The following PARP4 variants were observed in gnomAD, a reference collection of about 807,000 sequenced individuals.
The protein encoded by PARP4 is protein mono-ADP-ribosyltransferase PARP4.
PARP4 carries 120 observed loss-of-function variants against 187.7 expected under a neutral mutation model. That is an observed-to-expected ratio of 0.64 (90% CI 0.55 to 0.74). PARP4 has a LOEUF of 0.74. Among genes scored for constraint, PARP4 ranks in the 30% least tolerant of loss-of-function variants. PARP4 has a pLI of 0.00. For synonymous variants in PARP4, 654 were observed against 740.9 expected (o/e 0.88, Z 1.90); for missense variants, 1,836 against 2,070.5 (o/e 0.89, Z 2.20).
At position 24,434,936 on chromosome 13, in the gene PARP4, G is replaced by GA; in HGVS notation, c.4204dup (p.Ser1402PhefsTer30). ...CTGTGCAGAGCTTAATGAGCTCCCT[G>GA]AAAAAACAATGCCACAATAGGGTGA... is the stretch of plus-strand genomic sequence containing the variant. On this transcript the variant is annotated frameshift_variant, in exon 31 of 34. Coordinates refer to ENST00000381989, the MANE Select transcript of PARP4 (RefSeq NM_006437.4). LOFTEE classifies it high-confidence loss of function. The GA allele has an allele frequency of 1.2e-6, 2 of 1,613,892 alleles. No individual in the cohort carries two copies. Among genetic ancestry groups the GA allele is most frequent in the Non-Finnish European group, 1.7e-6 (2 of 1,179,898 alleles).
intron 12 of PARP4, among the ~76,000 whole-genome samples, chr13:24,481,413 C>T (rs762824156): frequency 6.6e-6 from 1 of 152,222 alleles, no homozygotes; most frequent in African/African-American, 2.4e-5. Flanking sequence ...ACATTTTGGG[C>T]TGGGCGTGGT....
In PARP4 at chr13:24,478,123, C is replaced by A. The variant is rs4770696; in HGVS notation, c.1602G>T (p.Ser534=). The change falls in exon 13 of 34, where the codon TCG becomes TCT. Residue 534 remains serine, a synonymous_variant. Coordinates refer to ENST00000381989, the MANE Select transcript of PARP4 (RefSeq NM_006437.4). ...AGTCTGTGGTGACAGAGGCTGTTTG[C>A]GAAACTCCATGCACACTGTCGTAGC... is the stretch of plus-strand genomic sequence containing the variant. The part of the protein sequence containing the change: ...PPGYDSVHGV[S]QTASVTTDFE... 5.0e-6 allele frequency: 8 copies of A among 1,606,198 alleles called. No homozygotes were observed. The highest frequency in any genetic ancestry group is 6.8e-6 in the Non-Finnish European group (8 of 1,175,976).
intron 4 of PARP4, among the ~76,000 whole-genome samples, chr13:24,500,024 T>C (rs1261195301): frequency 1.4e-5 from 2 of 143,734 alleles, no homozygotes; most frequent in African/African-American, 2.6e-5. Flanking sequence ...AGGAAAATAA[T>C]AGGATGAAAA....
At chr13:24,433,113 G>A (rs1049152391) in intron 31 of PARP4, among the ~76,000 whole-genome samples, 3 of 152,296 alleles carry the variant, frequency 2.0e-5, no homozygotes, top group African/African-American at 7.2e-5. Context: ...CCTCTGGAAT[G>A]TGTCTAGACT....
intron 32 of PARP4, among the ~76,000 whole-genome samples, chr13:24,427,331 T>C (rs1325469181): frequency 6.6e-6 from 1 of 151,754 alleles, no homozygotes; most frequent in Non-Finnish European, 1.5e-5. Context: ...TGTGTTGAAC[T>C]CAATTAACAA....
intron 15 of PARP4, among the ~76,000 whole-genome samples, chr13:24,473,912 C>A (rs1872847532): frequency 6.6e-6 from 1 of 152,184 alleles, no homozygotes; most frequent in African/African-American, 2.4e-5. Flanking sequence ...CCCTACGTCT[C>A]CACGTTGGCC....
At chr13:24,479,675 C>A (rs1015019007) in intron 12 of PARP4, among the ~76,000 whole-genome samples, 1 of 151,982 alleles carries the variant, frequency 6.6e-6, no homozygotes, top group South Asian at 2.1e-4. Flanking sequence ...CACCAATCAG[C>A]GCCCTGTCAA....
intron 10 of PARP4, among the ~76,000 whole-genome samples, chr13:24,488,490 A>C (rs879371101): frequency 9.9e-5 from 15 of 152,090 alleles, no homozygotes; most frequent in Middle Eastern, 3.2e-3. Flanking sequence ...AGTAACTGGA[A>C]CCACAAACGT....
chr13:24,423,560 C>A (rs11841989), intron 33 of PARP4, among the ~76,000 whole-genome samples: 64,697 of 150,136 alleles, frequency 0.43, 14,508 homozygotes, highest in African/African-American at 0.57. Flanking sequence ...AAAAACAAAA[C>A]AAAAAAAAAG....
intron 17 of PARP4, among the ~76,000 whole-genome samples, chr13:24,467,723 G>T (rs984991812): frequency 6.6e-6 from 1 of 152,224 alleles, no homozygotes; most frequent in African/African-American, 2.4e-5. Context: ...GTTCTGATCA[G>T]ACTTTACCCA....
chr13:24,460,437 C>A (rs1287183466), intron 17 of PARP4, among the ~76,000 whole-genome samples: 1 of 151,994 alleles, frequency 6.6e-6, no homozygotes, highest in Non-Finnish European at 1.5e-5. Flanking sequence ...GAGCTCTCTG[C>A]ACACGTGGGC....
In PARP4 at chr13:24,434,513, TCA is replaced by T. The variant is rs1203158363; in HGVS notation, c.4626_4627del (p.Cys1542Ter). 3 of 1,614,030 alleles carry T rather than the reference TCA, an allele frequency of 1.9e-6. No individual in the cohort carries two copies. The highest frequency in any genetic ancestry group is 2.5e-6 in the Non-Finnish European group (3 of 1,179,846). On this transcript the variant is annotated stop_gained and frameshift_variant, in exon 31 of 34. Transcript: ENST00000381989. LOFTEE classifies it high-confidence loss of function. ...GCACAGGATACTGTCATCTTTTGTA[TCA>T]CATTTTATTTGTAAAAAGCAGCTGT... is the stretch of plus-strand genomic sequence containing the variant.
chr13:24,430,597 T>A (rs1024758710), intron 32 of PARP4, among the ~76,000 whole-genome samples: 1 of 151,746 alleles, frequency 6.6e-6, no homozygotes, highest in African/African-American at 2.4e-5. Context: ...GAAGTTGCAG[T>A]CAGCCGAGAT....
chr13:24,502,694 G>C (rs1869368506), intron 2 of PARP4, among the ~76,000 whole-genome samples: 1 of 152,226 alleles, frequency 6.6e-6, no homozygotes, highest in African/African-American at 2.4e-5. Context: ...CTAAAAAGGA[G>C]AGACCATGTT....
intron 31 of PARP4, among the ~76,000 whole-genome samples, chr13:24,432,495 T>C (rs181309691): frequency 5.3e-5 from 8 of 152,344 alleles, no homozygotes; most frequent in Non-Finnish European, 8.8e-5. Context: ...GCCATGAACT[T>C]AGCCACCACT....
At chr13:24,503,554 C>A in intron 2 of PARP4, 91 bp downstream of exon 2, 1 of 1,429,100 alleles carries the variant, frequency 7.0e-7, no homozygotes, top group Non-Finnish European at 9.8e-7. Flanking sequence ...CTCTCTCCTG[C>A]TGCTAATCTC....
intron 13 of PARP4, 64 bp from the exon 14 acceptor site, chr13:24,477,921 A>G: frequency 8.1e-7 from 1 of 1,240,032 alleles, no homozygotes; most frequent in East Asian, 2.4e-5. Context: ...GTATTGGCAG[A>G]TGTTTTCATA....
At chr13:24,464,293 A>G (rs902322516) in intron 17 of PARP4, among the ~76,000 whole-genome samples, 1 of 152,204 alleles carries the variant, frequency 6.6e-6, no homozygotes, top group Non-Finnish European at 1.5e-5. Context: ...ATTAGAAAAA[A>G]CTAGGTTAAA....
At chr13:24,430,930 G>A (rs1281354204) in intron 32 of PARP4, among the ~76,000 whole-genome samples, 1 of 152,200 alleles carries the variant, frequency 6.6e-6, no homozygotes, top group African/African-American at 2.4e-5. Context: ...GTCTAGCAGG[G>A]GGATGATGCC....
Sources: gnomAD v4.1 joint callset for allele counts (sites outside exome capture counted in the v4.1 genomes callset) on GRCh38, gnomAD v4.1.1 for gene constraint, MANE v1.5 for transcripts, NCBI Gene and HGNC (gene_info 2026-07-23, HGNC 2026-07-21) for gene names.